Variants in MAP2 observed in about 807,000 individuals in gnomAD.
The protein encoded by MAP2 is microtubule-associated protein 2.
Under a neutral mutation model 137.6 loss-of-function variants are expected in MAP2, and 14 were observed. The ratio of observed to expected loss-of-function variants is 0.10; its 90% CI spans 0.07 to 0.16. The LOEUF (loss-of-function observed/expected upper bound fraction) is 0.16, where lower values mean the gene tolerates loss of function less well. Ranked by LOEUF, MAP2 falls within the 10% of genes least tolerant of loss-of-function variation. The pLI is 1.00. For synonymous variants in MAP2, 786 were observed against 782.3 expected (o/e 1.00, Z -0.08); for missense variants, 2,088 against 2,191.5 (o/e 0.95, Z 0.94).
In MAP2 at chr2:209,543,839, G is replaced by A. The variant is rs192658936; in HGVS notation, c.-171-36197G>A. 2.6e-3 allele frequency among the ~76,000 whole-genome samples: 399 copies of A among 152,220 alleles called. 8 individuals are homozygous for A. The highest frequency in any genetic ancestry group is 1.2e-3 in the Non-Finnish European group (85 of 68,018). The stretch of plus-strand genomic sequence containing the variant: ...GTACTGTATGAAAATGTGAGGTCAA[G>A]TTTTATTTTGTACTTGTTTAAACAA... On this transcript the variant is annotated intron_variant, in intron 2 of 15. Transcript: ENST00000682079.
chr2:209,492,595 A>C (rs966342076), intron 1 of MAP2, among the ~76,000 whole-genome samples: 6 of 152,242 alleles, frequency 3.9e-5, no homozygotes, highest in Non-Finnish European at 8.8e-5. Context: ...GCAAAGTCTC[A>C]GGATACAAAA....
At chr2:209,580,951 C>G (rs1424040813) in intron 3 of MAP2, among the ~76,000 whole-genome samples, 1 of 152,126 alleles carries the variant, frequency 6.6e-6, no homozygotes, top group African/African-American at 2.4e-5. Context: ...AGAAGAAAAT[C>G]AGTAATACCT....
At position 209,553,583 on chromosome 2, in the gene MAP2, A is replaced by T. The variant is rs541881146; in HGVS notation, c.-171-26453A>T. On this transcript the variant is annotated intron_variant, in intron 2 of 15. Transcript: ENST00000682079. ...GCTGTTATTAATAGCACCAATTAAT[A>T]GTAGTGCTAGACTTAATAAATGATA... Among the ~76,000 whole-genome samples the T allele has an allele frequency of 6.6e-5, 10 of 152,348 alleles. No homozygotes were observed. The South Asian group carries it at 2.1e-3, about 32-fold the overall frequency.
At chr2:209,471,787 A>G (rs1053964232) in intron 1 of MAP2, among the ~76,000 whole-genome samples, 2 of 152,144 alleles carry the variant, frequency 1.3e-5, no homozygotes, top group African/African-American at 4.8e-5. Flanking sequence ...AGGTTTTAAA[A>G]TGCCAAATAA....
rs146647853 is a variant in MAP2, at chr2:209,621,946, G to C, written c.-106-3107G>C. ...CGTTTATAGCTGAACAAGTATTTTG[G>C]GTTCCTCATTAAATGATTTACTCAG... On this transcript the variant is annotated intron_variant, in intron 3 of 15. Transcript: ENST00000682079. 1.6e-3 allele frequency among the ~76,000 whole-genome samples: 244 copies of C among 152,244 alleles called. 1 individual carries two copies. Among genetic ancestry groups the C allele is most frequent in the Non-Finnish European group, 2.7e-3 (187 of 68,012 alleles).
chr2:209,604,815 G>T (rs1484646813), intron 3 of MAP2, among the ~76,000 whole-genome samples: 3 of 152,064 alleles, frequency 2.0e-5, no homozygotes, highest in Non-Finnish European at 2.9e-5. Flanking sequence ...TTGAATAAGC[G>T]GACAGGAAAG....
At chr2:209,671,136 A>G (rs987312664) in intron 5 of MAP2, among the ~76,000 whole-genome samples, 26 of 151,304 alleles carry the variant, frequency 1.7e-4, no homozygotes, top group Admixed American at 4.6e-4. Flanking sequence ...AAATATCTGG[A>G]AAAAAAAAGC....
At position 209,693,991 on chromosome 2, in the gene MAP2, T is replaced by A; in HGVS notation, c.1821T>A (p.Asp607Glu). 6.2e-7 allele frequency: 1 copy of A among 1,614,038 alleles called. No individual in the cohort carries two copies. The highest frequency in any genetic ancestry group is 2.2e-5 in the East Asian group (1 of 44,864). Residue 607 changes from aspartate (D) to glutamate (E), a missense_variant, in exon 8 of 16, where the codon GAT (aspartate) becomes GAA (glutamate). Around this residue, in one of 6 missense-constraint regions of MAP2, gnomAD observed 859 missense variants for 794.5 expected, o/e 1.08. Coordinates refer to ENST00000682079, the MANE Select transcript of MAP2 (RefSeq NM_001375505.1). ...GAGAAAGTGTCCATGAGTCTATTGA[T>A]ACCATGTCTCCCATGCATAAAAATG... ...DTRESVHESIDTMSPMHKNGD... is the reference protein window; with the variant it reads ...DTRESVHESIETMSPMHKNGD...
At chr2:209,603,567 T>C (rs1433211735) in intron 3 of MAP2, among the ~76,000 whole-genome samples, 1 of 152,122 alleles carries the variant, frequency 6.6e-6, no homozygotes, top group East Asian at 1.9e-4. Context: ...TGCATGCTGG[T>C]GGGCAGCTCC....
rs141439598 is a variant in MAP2 at position 209,726,409 on chromosome 2, T to A, written c.5155+619T>A. 5.9e-5 allele frequency among the ~76,000 whole-genome samples: 9 copies of A among 152,298 alleles called. No homozygotes were observed. The East Asian group carries it at 1.7e-3, about 29-fold the overall frequency. ...AGATTTTCTCCCTTTAAAGTGTGAATCTAACATTATGAGTCACTTTTTCTG... is the reference window on the plus strand; with the variant it reads ...AGATTTTCTCCCTTTAAAGTGTGAAACTAACATTATGAGTCACTTTTTCTG... On this transcript the variant is annotated intron_variant, in intron 14 of 15. Transcript: ENST00000682079.
intron 1 of MAP2, among the ~76,000 whole-genome samples, chr2:209,496,300 A>G (rs1264471074): frequency 6.6e-6 from 1 of 152,138 alleles, no homozygotes; most frequent in Non-Finnish European, 1.5e-5. Context: ...CAGGCAGGGT[A>G]TGGCATTCAT....
At chr2:209,459,744 C>T (rs1366697240) in intron 1 of MAP2, among the ~76,000 whole-genome samples, 5 of 152,198 alleles carry the variant, frequency 3.3e-5, no homozygotes, top group African/African-American at 1.2e-4. Flanking sequence ...CCTACCAGGC[C>T]ACCATGCATT....
intron 3 of MAP2, among the ~76,000 whole-genome samples, chr2:209,612,248 A>G (rs1295701145): frequency 3.9e-5 from 6 of 152,200 alleles, no homozygotes; most frequent in African/African-American, 1.4e-4. Flanking sequence ...TGGTCTATTC[A>G]TAAAATATTT....
intron 3 of MAP2, among the ~76,000 whole-genome samples, chr2:209,580,985 T>C (rs1401555694): frequency 6.6e-6 from 1 of 152,214 alleles, no homozygotes; most frequent in Non-Finnish European, 1.5e-5. Flanking sequence ...TTGGGATCTA[T>C]GTATAATATT....
Position 209,695,463 on chromosome 2 carries a change from A to G in MAP2, c.3293A>G (p.His1098Arg), listed in dbSNP as rs763061078. The change falls in exon 8 of 16, where the codon CAC becomes CGC. Residue 1098 changes from histidine (H) to arginine (R), a missense_variant. His to Arg is a conservative substitution (Grantham distance 29). Transcript: ENST00000682079. ...GCATTTATGGGTGTTGAGTCTGGCC[A>G]CATGAAAGAAGGCACTAAAGTTAGT... ...ADAFMGVESG[H>R]MKEGTKVSET... 9.3e-6 allele frequency: 15 copies of G among 1,613,996 alleles called. No individual in the cohort carries two copies. Among genetic ancestry groups the G allele is most frequent in the Admixed American group, 3.3e-5 (2 of 59,998 alleles).
intron 1 of MAP2, among the ~76,000 whole-genome samples, chr2:209,469,248 T>C (rs1349938456): frequency 1.3e-5 from 2 of 152,204 alleles, no homozygotes; most frequent in Non-Finnish European, 2.9e-5. Context: ...ATAACTTGTC[T>C]TCCTGCAGTT....
chr2:209,662,041 G>A (rs2043893714), intron 5 of MAP2, among the ~76,000 whole-genome samples: 1 of 152,060 alleles, frequency 6.6e-6, no homozygotes, highest in Non-Finnish European at 1.5e-5. Flanking sequence ...TTCTTAAGAC[G>A]GTAATTCTTA....
At chr2:209,662,683 TC>T (rs1391074574) in intron 5 of MAP2, among the ~76,000 whole-genome samples, 1 of 152,126 alleles carries the variant, frequency 6.6e-6, no homozygotes, top group Non-Finnish European at 1.5e-5. Context: ...ATTCTTAAAT[TC>T]TTTTTTTATT....
chr2:209,648,864 G>A (rs543249088), intron 4 of MAP2, among the ~76,000 whole-genome samples: 1 of 151,998 alleles, frequency 6.6e-6, no homozygotes, highest in African/African-American at 2.4e-5. Flanking sequence ...GGGATTGTGT[G>A]GCAGATGCTC....
Sources: gnomAD v4.1 joint callset for allele counts (sites outside exome capture counted in the v4.1 genomes callset) on GRCh38, gnomAD v4.1.1 for gene constraint, gnomAD v4.1.1 regional missense constraint, MANE v1.5 for transcripts, NCBI Gene and HGNC (gene_info 2026-07-23, HGNC 2026-07-21) for gene names.